The following PPP1R17 variants were observed in gnomAD, a reference collection of about 807,000 sequenced individuals.
PPP1R17 encodes the protein protein phosphatase 1 regulatory subunit 17.
PPP1R17 carries 12 observed loss-of-function variants against 15.9 expected under a neutral mutation model. That is an observed-to-expected ratio of 0.75 (90% CI 0.48 to 1.22). The LOEUF (loss-of-function observed/expected upper bound fraction) is 1.22. Ranked by LOEUF, PPP1R17 falls within the 50% of genes most tolerant of loss-of-function variation. The pLI, the probability that PPP1R17 is intolerant of heterozygous loss-of-function variation, is 0.00. For missense variants in PPP1R17, 211 were observed against 187.3 expected (o/e 1.13, Z -0.74); for synonymous variants, 63 against 64.5 (o/e 0.98, Z 0.11).
At chr7:31,695,083 G>C (rs1252041109) in intron 2 of PPP1R17, among the ~76,000 whole-genome samples, 1 of 152,120 alleles carries the variant, frequency 6.6e-6, no homozygotes, top group Non-Finnish European at 1.5e-5. Context: ...CTGGCCCTTG[G>C]GGTCTCCAAA....
chr7:31,692,300 T>C (rs937289903), intron 1 of PPP1R17, 106 bp from the exon 2 acceptor site: 5 of 644,126 alleles, frequency 7.8e-6, no homozygotes, highest in Non-Finnish European at 1.0e-5. Flanking sequence ...CAGGATTGGA[T>C]TGGGAACACA....
chr7:31,705,986 ATTTTTTTTTTTTTTTTTT>A (rs550189867), intron 4 of PPP1R17, among the ~76,000 whole-genome samples: 842 of 52,516 alleles, frequency 0.016, 14 homozygotes, highest in African/African-American at 0.053. Flanking sequence ...CAGACCAGTA[ATTTTTTTTTTTTTTTTTT>A]TTTTTTTTTT....
chr7:31,689,060 G>A, intron 1 of PPP1R17, among the ~76,000 whole-genome samples: 1 of 152,168 alleles, frequency 6.6e-6, no homozygotes, highest in East Asian at 1.9e-4. Context: ...GACTGCTGGT[G>A]CTCCTTGAGA....
At chr7:31,704,276 T>C (rs1436268570) in intron 4 of PPP1R17, among the ~76,000 whole-genome samples, 1 of 152,174 alleles carries the variant, frequency 6.6e-6, no homozygotes, top group Non-Finnish European at 1.5e-5. Flanking sequence ...GAAGACGTGG[T>C]GTCCTAGCCC....
Position 31,696,967 on chromosome 7 carries a change from G to T in PPP1R17, c.238G>T (p.Val80Leu). The change falls in exon 4 of 5, where the codon GTG becomes TTG. Residue 80 changes from valine (V) to leucine (L), a missense_variant and splice_region_variant. Coordinates refer to ENST00000342032, the MANE Select transcript of PPP1R17 (RefSeq NM_006658.5). Reference sequence around the variant, plus strand: ...TCTGTGTTCCCCTAACCATGCAGGTGTGTTTTCAGAACATTTAATTAAAAG... The same window carrying T: ...TCTGTGTTCCCCTAACCATGCAGGTTTGTTTTCAGAACATTTAATTAAAAG... ...ALHIPPFIPGVFSEHLIKRYD... is the reference protein window; with the variant it reads ...ALHIPPFIPGLFSEHLIKRYD... 1 of 1,613,978 alleles carries T rather than the reference G, an allele frequency of 6.2e-7. No homozygotes were observed. The highest frequency in any genetic ancestry group is 1.1e-5 in the South Asian group (1 of 91,042).
intron 4 of PPP1R17, 140 bp from the exon 5 acceptor site, chr7:31,707,064 G>C (rs1322916347): frequency 7.5e-6 from 5 of 666,260 alleles, no homozygotes; most frequent in Non-Finnish European, 1.2e-5. Context: ...CCTTCTCTGG[G>C]TTGGTACTGT....
Position 31,707,402 on chromosome 7 carries a change from C to T in PPP1R17, c.*119C>T. The stretch of plus-strand genomic sequence containing the variant: ...TCATCGTCTGACTTGAAGATTCAGA[C>T]ACCTTCTCCCCAGGAGATGTATGCC... On this transcript the variant is annotated 3_prime_UTR_variant, in exon 5 of 5. Coordinates refer to ENST00000342032, the MANE Select transcript of PPP1R17 (RefSeq NM_006658.5). 1 of 786,814 alleles carries T rather than the reference C, an allele frequency of 1.3e-6. No individual in the cohort carries two copies. The highest frequency in any genetic ancestry group is 2.9e-5 in the Admixed American group (1 of 34,568). 48.7% of individuals were successfully genotyped at this position (786,814 alleles called of 1,614,324 possible).
At chr7:31,691,677 G>A (rs1466304424) in intron 1 of PPP1R17, among the ~76,000 whole-genome samples, 1 of 151,424 alleles carries the variant, frequency 6.6e-6, no homozygotes, top group Admixed American at 6.6e-5. Flanking sequence ...GGAATCCCTA[G>A]GGAGAAAATA....
chr7:31,701,775 G>C (rs1792857885), intron 4 of PPP1R17, among the ~76,000 whole-genome samples: 2 of 152,220 alleles, frequency 1.3e-5, no homozygotes, highest in African/African-American at 2.4e-5. Flanking sequence ...CTAAGACTCA[G>C]TGAAGACTCA....
At chr7:31,704,383 G>A (rs1792981021) in intron 4 of PPP1R17, among the ~76,000 whole-genome samples, 2 of 152,168 alleles carry the variant, frequency 1.3e-5, no homozygotes, top group African/African-American at 4.8e-5. Context: ...AAGCTGATTG[G>A]CCCTTGGAGA....
At chr7:31,704,571 T>C (rs1209420743) in intron 4 of PPP1R17, among the ~76,000 whole-genome samples, 1 of 152,192 alleles carries the variant, frequency 6.6e-6, no homozygotes, top group Non-Finnish European at 1.5e-5. Flanking sequence ...CACGGTTCAA[T>C]AGCGGAGAAG....
chr7:31,702,956 G>A (rs561018136), intron 4 of PPP1R17, among the ~76,000 whole-genome samples: 10 of 152,256 alleles, frequency 6.6e-5, no homozygotes, highest in Admixed American at 3.3e-4. Flanking sequence ...CCCAGTATAC[G>A]AAATTGAACA....
Position 31,696,946 on chromosome 7 carries a change from T to C in PPP1R17, c.236-19T>C, listed in dbSNP as rs199568442. On this transcript the variant is annotated intron_variant, in intron 3 of 4. Coordinates refer to ENST00000342032, the MANE Select transcript of PPP1R17 (RefSeq NM_006658.5). ...ATGTATTTGATCCTGTTTCTCTCTG[T>C]GTTCCCCTAACCATGCAGGTGTGTT... is the stretch of plus-strand genomic sequence containing the variant. The C allele has an allele frequency of 2.0e-5, 32 of 1,612,420 alleles. No homozygotes were observed. Among genetic ancestry groups the C allele is most frequent in the Non-Finnish European group, 2.6e-5 (31 of 1,179,220 alleles).
chr7:31,697,150 G>T, intron 4 of PPP1R17, 33 bp downstream of exon 4: 6 of 1,610,904 alleles, frequency 3.7e-6, no homozygotes, highest in African/African-American at 2.7e-5. Flanking sequence ...TTTGCAGGGG[G>T]TGATGGGGAC....
intron 1 of PPP1R17, among the ~76,000 whole-genome samples, chr7:31,689,401 T>C (rs1792242016): frequency 1.3e-5 from 2 of 152,162 alleles, no homozygotes; most frequent in Non-Finnish European, 2.9e-5. Flanking sequence ...AGCTGGTGCC[T>C]TAGAAAGTTC....
intron 4 of PPP1R17, among the ~76,000 whole-genome samples, chr7:31,705,987 T>A (rs1289333332): frequency 3.4e-5 from 1 of 29,212 alleles, no homozygotes; most frequent in African/African-American, 2.7e-4. Context: ...AGACCAGTAA[T>A]TTTTTTTTTT....
intron 2 of PPP1R17, among the ~76,000 whole-genome samples, chr7:31,694,530 A>G (rs1401500787): frequency 6.6e-6 from 1 of 152,184 alleles, no homozygotes; most frequent in Non-Finnish European, 1.5e-5. Flanking sequence ...TTGAACTCAG[A>G]TCAGCTTGAC....
chr7:31,694,869 A>G (rs1423716914), intron 2 of PPP1R17, among the ~76,000 whole-genome samples: 1 of 152,166 alleles, frequency 6.6e-6, no homozygotes, highest in Non-Finnish European at 1.5e-5. Context: ...AGAAAAGTAA[A>G]TAAATGAGTC....
intron 1 of PPP1R17, among the ~76,000 whole-genome samples, chr7:31,689,811 C>T (rs1386195155): frequency 6.6e-6 from 1 of 152,118 alleles, no homozygotes; most frequent in Non-Finnish European, 1.5e-5. Context: ...ATCTTCTAAC[C>T]CCATGAGCAA....
Sources: gnomAD v4.1 joint callset for allele counts (sites outside exome capture counted in the v4.1 genomes callset) on GRCh38, gnomAD v4.1.1 for gene constraint, MANE v1.5 for transcripts, NCBI Gene and HGNC (gene_info 2026-07-23, HGNC 2026-07-21) for gene names.